MYH9: variants seen among roughly 807,000 people sequenced by gnomAD.
The protein encoded by MYH9 is myosin-9.
A neutral mutation model predicts 241.9 loss-of-function variants in MYH9; 29 were observed. The ratio of observed to expected loss-of-function variants is 0.12; its 90% CI spans 0.09 to 0.16. MYH9 has a LOEUF of 0.16. Ranked by LOEUF, MYH9 falls within the 10% of genes least tolerant of loss-of-function variation. The probability of loss-of-function intolerance (pLI) is 1.00; values close to 1 mark genes in which losing one functional copy is unlikely to be tolerated. For synonymous variants in MYH9, 1,047 were observed against 1,062.6 expected, an observed-to-expected ratio of 0.99 and a Z score of 0.29; for missense variants, 1,803 against 2,595.5, an observed-to-expected ratio of 0.69 and a Z score of 6.63.
chr22:36,328,938 T>C (rs1022824214), intron 3 of MYH9: 4 of 152,304 alleles, frequency 2.6e-5, no homozygotes, highest in Non-Finnish European at 5.9e-5. Flanking sequence ...GCTGCCTGCC[T>C]CTTCCGAGGT....
At chr22:36,319,717 C>A in intron 9 of MYH9, 82 bp from the exon 10 acceptor site, 2 of 1,380,116 alleles carry the variant, frequency 1.4e-6, no homozygotes, top group East Asian at 2.4e-5. Flanking sequence ...ATCTAGGGAT[C>A]CTCAAGCCAG....
At chr22:36,299,670 C>T (rs899816116) in intron 23 of MYH9, among the ~76,000 whole-genome samples, 5 of 152,200 alleles carry the variant, frequency 3.3e-5, no homozygotes, top group African/African-American at 1.2e-4. Flanking sequence ...TCTCCTCTAA[C>T]TGGTTCCCCG....
At chr22:36,325,146 G>T (rs539959060) in intron 5 of MYH9, 7 of 757,790 alleles carry the variant, frequency 9.2e-6, no homozygotes, top group Non-Finnish European at 1.7e-5. Context: ...GAAAATCGGG[G>T]GTAGGGAGGG....
At chr22:36,344,439 GAGGCAGCACCTCCCCATCC>G (rs72109056) in intron 2 of MYH9, among the ~76,000 whole-genome samples, 95,789 of 151,344 alleles carry the variant, frequency 0.63, 31,212 homozygotes, top group African/African-American at 0.68. Context: ...GACCATGAAT[GAGGCAGCACCTCCCCATCC>G]AGGCAGCACC....
At position 36,282,537 on chromosome 22, in the gene MYH9, C is replaced by A. The variant is rs982939924; in HGVS notation, c.*131G>T. The A allele has an allele frequency of 1.1e-6, 1 of 880,718 alleles. No homozygotes were observed. 54.6% of individuals were successfully genotyped at this position (880,718 alleles called of 1,614,324 possible). On this transcript the variant is annotated 3_prime_UTR_variant, in exon 41 of 41. Transcript: ENST00000216181. ...CCTGGAGGGAAACGGGATGGGGGGACGGGGCGGAGGGCAGGAGGAGGCATG... is the reference window on the plus strand; with the variant it reads ...CCTGGAGGGAAACGGGATGGGGGGAAGGGGCGGAGGGCAGGAGGAGGCATG...
chr22:36,315,458 T>C (rs566163060), intron 12 of MYH9, among the ~76,000 whole-genome samples: 1 of 152,096 alleles, frequency 6.6e-6, no homozygotes, highest in African/African-American at 2.4e-5. Flanking sequence ...AGATGTCTTA[T>C]CCCGATGCTC....
chr22:36,294,068 C>T, intron 28 of MYH9, 24 bp downstream of exon 28: 1 of 1,605,592 alleles, frequency 6.2e-7, no homozygotes, highest in Non-Finnish European at 8.5e-7. Context: ...ACTGCCCGCG[C>T]CAGGGTCCTG....
intron 5 of MYH9, among the ~76,000 whole-genome samples, chr22:36,323,360 C>T (rs954444150): frequency 2.6e-5 from 4 of 152,234 alleles, no homozygotes; most frequent in African/African-American, 7.2e-5. Flanking sequence ...GCCCTGTCTT[C>T]GCACCTGTGC....
chr22:36,304,007 T>G lies in MYH9; in HGVS notation c.2378A>C (p.Tyr793Ser). The change falls in exon 19 of 41, where the codon TAC (tyrosine) becomes TCC (serine). Residue 793 changes from tyrosine to serine, a missense_variant. Tyr to Ser is a moderately radical substitution (Grantham distance 144). Coordinates refer to ENST00000216181, the MANE Select transcript of MYH9 (RefSeq NM_002473.6). The part of the protein sequence containing the change: ...IIGFQACCRG[Y>S]LARKAFAKRQ... The stretch of plus-strand genomic sequence containing the variant: ...TCCCGGGACTCACTTCCTGGCCAGG[T>G]AGCCCCTGCAGCAGGCCTGGAACCC... 6.2e-7 allele frequency: 1 copy of G among 1,613,546 alleles called. No individual in the cohort carries two copies. The highest frequency in any genetic ancestry group is 8.5e-7 in the Non-Finnish European group (1 of 1,179,984).
chr22:36,284,018 G>A, intron 40 of MYH9, 75 bp downstream of exon 40: 1 of 1,568,816 alleles, frequency 6.4e-7, no homozygotes, highest in South Asian at 1.1e-5. Flanking sequence ...CCTTGCTTGT[G>A]GGCTCTGGTT....
intron 13 of MYH9, among the ~76,000 whole-genome samples, chr22:36,312,445 T>C (rs913229520): frequency 2.0e-5 from 3 of 152,166 alleles, no homozygotes; most frequent in Non-Finnish European, 4.4e-5. Flanking sequence ...ATCGCGGTGG[T>C]TCTCCAGCAT....
Position 36,286,742 on chromosome 22 carries a change from C to T in MYH9, c.5037G>A (p.Glu1679=). 2 of 1,613,162 alleles carry T rather than the reference C, an allele frequency of 1.2e-6. No individual in the cohort carries two copies. The highest frequency in any genetic ancestry group is 1.3e-5 in the African/African-American group (1 of 75,074). The change falls in exon 35 of 41, where the codon GAG becomes GAA. Residue 1679 remains glutamate, a synonymous_variant. Transcript: ENST00000216181. ...KENEKKLKSM[E]AEMIQLQEEL... The stretch of plus-strand genomic sequence containing the variant: ...CCTCCTGCAACTGGATCATCTCGGC[C>T]TCCATGCTCTTCAGCTTCTTCTCGT...
rs140112630 is a variant in MYH9, at chr22:36,305,824, G to A, written c.2159+106C>T. 0.026 allele frequency: 38,594 copies of A among 1,513,116 alleles called. 604 individuals carry two copies. The highest frequency in any genetic ancestry group is 0.03 in the Non-Finnish European group (33,359 of 1,097,504). 93.7% of individuals were successfully genotyped at this position (1,513,116 alleles called of 1,614,324 possible). A position where few individuals can be genotyped will look rare whatever the true frequency, so the allele number is the denominator to read the frequency against. ...ACTCAGTTCTACATGGATGGAGGAC[G>A]TCGCTCCCTCACGACAGGATCCTGC... is the stretch of plus-strand genomic sequence containing the variant. On this transcript the variant is annotated intron_variant, in intron 17 of 40. Coordinates refer to ENST00000216181, the MANE Select transcript of MYH9 (RefSeq NM_002473.6). This position sits in a 1 kb window ranked among gnomAD's most constrained non-coding sequence, Gnocchi z 4.7.
chr22:36,328,200 G>C (rs879309292), intron 3 of MYH9, among the ~76,000 whole-genome samples: 4 of 152,216 alleles, frequency 2.6e-5, no homozygotes, highest in Non-Finnish European at 5.9e-5. Context: ...GTGACAACCT[G>C]TTCTCTAGCC....
At position 36,295,704 on chromosome 22, in the gene MYH9, C is replaced by T; in HGVS notation, c.3286G>A (p.Ala1096Thr). ...QAALARVEEE[A>T]AQKNMALKKI... Reference sequence around the variant, plus strand: ...TTGAGGGCCATGTTCTTCTGGGCAGCTTCCTCTTCCACTCTGCCAAAGCGA... The same window carrying T: ...TTGAGGGCCATGTTCTTCTGGGCAGTTTCCTCTTCCACTCTGCCAAAGCGA... The change falls in exon 26 of 41, where the codon GCT (alanine) becomes ACT (threonine). Residue 1096 changes from alanine (A) to threonine (T), a missense_variant. Ala to Thr is a moderately conservative substitution (Grantham distance 58). Transcript: ENST00000216181. The surrounding 1 kb of genome is among the most constrained non-coding windows in gnomAD (Gnocchi z 4.1). The T allele has an allele frequency of 6.2e-7, 1 of 1,613,124 alleles. No homozygotes were observed. The highest frequency in any genetic ancestry group is 1.3e-5 in the African/African-American group (1 of 75,020).
chr22:36,381,995 T>C (rs980758772), intron 1 of MYH9, among the ~76,000 whole-genome samples: 1 of 152,128 alleles, frequency 6.6e-6, no homozygotes, highest in South Asian at 2.1e-4. Context: ...GTTGTTGTTG[T>C]TGTTTAATGT....
In MYH9 at chr22:36,300,131, G is replaced by C. The variant is rs1172070794; in HGVS notation, c.2972C>G (p.Ala991Gly). ...IILEDQNCKL[A>G]KEKKLLEDRI... Reference sequence around the variant, plus strand: ...GGCGACAGCCACGGGCCTCACCTTGGCCAGCTTGCAGTTCTGGTCCTCCAG... The same window carrying C: ...GGCGACAGCCACGGGCCTCACCTTGCCCAGCTTGCAGTTCTGGTCCTCCAG... The change falls in exon 23 of 41, where the codon GCC becomes GGC. Residue 991 changes from alanine to glycine, a missense_variant. Ala to Gly is a moderately conservative substitution (Grantham distance 60). Transcript: ENST00000216181. This position sits in a 1 kb window ranked among gnomAD's most constrained non-coding sequence, Gnocchi z 5.0. 1.2e-6 allele frequency: 2 copies of C among 1,611,132 alleles called. No homozygotes were observed. Among genetic ancestry groups the C allele is most frequent in the African/African-American group, 2.7e-5 (2 of 74,932 alleles).
rs186607578 is a variant in MYH9, at chr22:36,322,638, C to T, written c.613-117G>A. 6.7e-5 allele frequency: 68 copies of T among 1,010,126 alleles called. No homozygotes were observed. The African/African-American group carries it at 9.8e-4, about 15-fold the overall frequency. The allele number at this position is 1,010,126 out of a possible 1,614,324, so 62.6% of individuals were successfully genotyped here. On this transcript the variant is annotated intron_variant, in intron 5 of 40. Coordinates refer to ENST00000216181, the MANE Select transcript of MYH9 (RefSeq NM_002473.6). The stretch of plus-strand genomic sequence containing the variant: ...GTCAGCATGTCCAACGTGCCAGGAA[C>T]AGAGGTTTCCGGGTGGGCTCCAGTG...
Position 36,316,446 on chromosome 22 carries a change from T to A in MYH9, c.1380+71A>T, listed in dbSNP as rs533628162. 8.1e-6 allele frequency: 13 copies of A among 1,605,934 alleles called. 1 individual carries two copies. In the South Asian group the frequency reaches 1.4e-4, roughly 18 times the overall value. On this transcript the variant is annotated intron_variant, in intron 12 of 40. Transcript: ENST00000216181. The stretch of plus-strand genomic sequence containing the variant: ...CGATGCAGGACCATGAGAAGCAGGG[T>A]TCTTAACCAAGGATAAGGCAACCAA...
Sources: gnomAD v4.1 joint callset for allele counts (sites outside exome capture counted in the v4.1 genomes callset) on GRCh38, gnomAD v4.1.1 for gene constraint, Gnocchi (gnomAD v3.1) non-coding constraint, MANE v1.5 for transcripts, NCBI Gene and HGNC (gene_info 2026-07-23, HGNC 2026-07-21) for gene names.